The following ZKSCAN2 variants were observed in gnomAD, a reference collection of about 807,000 sequenced individuals.
ZKSCAN2 encodes the protein zinc finger protein with KRAB and SCAN domains 2.
Under a neutral mutation model 90.5 loss-of-function variants are expected in ZKSCAN2, and 38 were observed. The observed-to-expected ratio is 0.42, with a 90% CI of 0.32 to 0.55. The LOEUF is 0.55. Ranked by LOEUF, ZKSCAN2 falls within the 20% of genes least tolerant of loss-of-function variation. ZKSCAN2 has a pLI of 0.11. For missense variants in ZKSCAN2, 1,167 were observed against 1,202.6 expected, an observed-to-expected ratio of 0.97 and a Z score of 0.44; for synonymous variants, 429 against 421.6, an observed-to-expected ratio of 1.02 and a Z score of -0.22.
rs996802243 is a variant in ZKSCAN2, at chr16:25,236,898, C to T, written c.*2918G>A. ...TGCTTTTCAAAAACAGGATTTGACA[C>T]AATTTACAAGGAAATAAGATGAAAT... On this transcript the variant is annotated 3_prime_UTR_variant, in exon 7 of 7. Coordinates refer to ENST00000328086, the MANE Select transcript of ZKSCAN2 (RefSeq NM_001012981.5). 3 of 152,552 alleles carry T rather than the reference C, an allele frequency of 2.0e-5. No homozygotes were observed. The highest frequency in any genetic ancestry group is 7.2e-5 in the African/African-American group (3 of 41,430). The allele number at this position is 152,552 out of a possible 1,614,324, so 9.4% of individuals were successfully genotyped here.
In ZKSCAN2 at chr16:25,257,399, T is replaced by A. The variant is rs980434695; in HGVS notation, c.-272A>T. ...GTTTTCCAGAGTGCATCCCTCTTAG[T>A]GCAAAGTCGGAAACCGGGAGGCTGG... On this transcript the variant is annotated 5_prime_UTR_variant, in exon 1 of 7. Coordinates refer to ENST00000328086, the MANE Select transcript of ZKSCAN2 (RefSeq NM_001012981.5). The A allele has an allele frequency of 6.0e-6, 7 of 1,163,172 alleles. No individual in the cohort carries two copies. The highest frequency in any genetic ancestry group is 7.4e-6 in the Non-Finnish European group (7 of 945,184). The allele number at this position is 1,163,172 out of a possible 1,614,324, so 72.1% of individuals were successfully genotyped here.
intron 4 of ZKSCAN2, among the ~76,000 whole-genome samples, chr16:25,250,637 T>C (rs558308628): frequency 2.0e-5 from 3 of 152,238 alleles, no homozygotes; most frequent in African/African-American, 2.4e-5. Flanking sequence ...TACATAACTA[T>C]GTAAGGTGAT....
rs979537533 is a variant in ZKSCAN2, at chr16:25,240,436, G to A, written c.2284C>T (p.Arg762Cys). 1.9e-6 allele frequency: 3 copies of A among 1,614,068 alleles called. No homozygotes were observed. Among genetic ancestry groups the A allele is most frequent in the Non-Finnish European group, 1.7e-6 (2 of 1,180,016 alleles). ...KYGESFGRST[R>C]LMCRMTHHKE... ...TGGTGGGTCATCCGGCACATCAGACGAGTGCTCCTTCCAAAGCTTTCTCCA... is the reference window on the plus strand; with the variant it reads ...TGGTGGGTCATCCGGCACATCAGACAAGTGCTCCTTCCAAAGCTTTCTCCA... The change falls in exon 7 of 7, where the codon CGT becomes TGT. Residue 762 changes from arginine (R) to cysteine (C), a missense_variant. By Grantham distance (180) the Arg-to-Cys change is radical. Coordinates refer to ENST00000328086, the MANE Select transcript of ZKSCAN2 (RefSeq NM_001012981.5).
Position 25,240,188 on chromosome 16 carries a change from A to G in ZKSCAN2, c.2532T>C (p.Ser844=), listed in dbSNP as rs1237844735. The stretch of plus-strand genomic sequence containing the variant: ...GCGTTCTCTGATGTATAATAAGACT[A>G]GAGCTCTGACTAAAGCATTTTCCAC... ...GECGKCFSQS[S]SLIIHQRTHT... The change falls in exon 7 of 7, where the codon TCT becomes TCC. Residue 844 remains serine (S), a synonymous_variant. Transcript: ENST00000328086. 4 of 1,614,030 alleles carry G rather than the reference A, an allele frequency of 2.5e-6. No homozygotes were observed. Among genetic ancestry groups the G allele is most frequent in the African/African-American group, 2.7e-5 (2 of 74,910 alleles).
Position 25,240,359 on chromosome 16 carries a change from G to A in ZKSCAN2, c.2361C>T (p.Ser787=). The change falls in exon 7 of 7, where the codon AGC becomes AGT. Residue 787 remains serine, a synonymous_variant. Transcript: ENST00000328086. ...CGVCGKCFGR[S]RSLIRHQRIH... Reference sequence around the variant, plus strand: ...TTCTTTGGTGTCTGATCAGGCTCCTGCTTCTACCAAAGCACTTCCCACAGA... The same window carrying A: ...TTCTTTGGTGTCTGATCAGGCTCCTACTTCTACCAAAGCACTTCCCACAGA... The A allele has an allele frequency of 1.2e-6, 2 of 1,613,902 alleles. No individual in the cohort carries two copies. The highest frequency in any genetic ancestry group is 1.7e-6 in the Non-Finnish European group (2 of 1,180,006).
intron 4 of ZKSCAN2, among the ~76,000 whole-genome samples, chr16:25,249,991 A>T (rs905698649): frequency 1.3e-5 from 2 of 152,226 alleles, no homozygotes; most frequent in Non-Finnish European, 2.9e-5. Context: ...TAGGAAAAAA[A>T]ATATAATGGA....
intron 6 of ZKSCAN2, among the ~76,000 whole-genome samples, chr16:25,243,094 C>CT (rs914474077): frequency 6.6e-6 from 1 of 152,260 alleles, no homozygotes; most frequent in Non-Finnish European, 1.5e-5. Context: ...CTCTGCCTAT[C>CT]TTTTTTGTCT....
chr16:25,246,935 C>A lies in ZKSCAN2; in HGVS notation c.1261G>T (p.Asp421Tyr). The A allele has an allele frequency of 6.2e-7, 1 of 1,614,120 alleles. No individual in the cohort carries two copies. Among genetic ancestry groups the A allele is most frequent in the Non-Finnish European group, 8.5e-7 (1 of 1,180,030 alleles). The change falls in exon 5 of 7, where the codon GAC becomes TAC. Residue 421 changes from aspartate (D) to tyrosine (Y), a missense_variant. Physicochemically the swap from Asp to Tyr is radical, Grantham distance 160 (BLOSUM62 -3). Coordinates refer to ENST00000328086, the MANE Select transcript of ZKSCAN2 (RefSeq NM_001012981.5). ...HMLEPCAFFEDMDALLNPAAR... is the reference protein window; with the variant it reads ...HMLEPCAFFEYMDALLNPAAR... ...GCAGGGTTCAACAAAGCATCCATGT[C>A]CTCAAAGAAGGCGCAGGGTTCTAGC...
chr16:25,244,914 C>A (rs1962910813), intron 5 of ZKSCAN2, among the ~76,000 whole-genome samples: 1 of 152,162 alleles, frequency 6.6e-6, no homozygotes, highest in African/African-American at 2.4e-5. Context: ...ATTTGTAAAA[C>A]ATGCTTTTTG....
In ZKSCAN2 at chr16:25,239,931, A is replaced by G. The variant is rs776836279; in HGVS notation, c.2789T>C (p.Leu930Pro). The change falls in exon 7 of 7, where the codon CTT (leucine) becomes CCT (proline). Residue 930 changes from leucine to proline, a missense_variant. Transcript: ENST00000328086. Reference sequence around the variant, plus strand: ...CACATGAACTTCCCGATGTTTGGTAAGAACAGAACTCTTACTGAAACGTTT... The same window carrying G: ...CACATGAACTTCCCGATGTTTGGTAGGAACAGAACTCTTACTGAAACGTTT... The part of the protein sequence containing the change: ...CGKRFSKSSV[L>P]TKHREVHVRE... 1 of 1,614,088 alleles carries G rather than the reference A, an allele frequency of 6.2e-7. No homozygotes were observed. The highest frequency in any genetic ancestry group is 1.1e-5 in the South Asian group (1 of 91,086).
Position 25,252,229 on chromosome 16 carries a change from C to T in ZKSCAN2, c.679-194G>A, listed in dbSNP as rs117136796. On this transcript the variant is annotated intron_variant, in intron 3 of 6. Coordinates refer to ENST00000328086, the MANE Select transcript of ZKSCAN2 (RefSeq NM_001012981.5). ...AACAAGATGATCCAGCAAGGAGTCT[C>T]ATTACTCAGAAGACTGGGTCCCATC... Among the ~76,000 whole-genome samples, 133 of 152,274 alleles carry T rather than the reference C, an allele frequency of 8.7e-4. 3 individuals are homozygous for T. The East Asian group carries it at 0.024, about 27-fold the overall frequency.
chr16:25,257,571 G>A lies in ZKSCAN2; in HGVS notation c.-444C>T. The stretch of plus-strand genomic sequence containing the variant: ...GGGGCCGGATGTGCAGGCCCCGCCC[G>A]GCGCCAGGTTCCGGGCTCGGGTCAC... On this transcript the variant is annotated 5_prime_UTR_variant, in exon 1 of 7. Transcript: ENST00000328086. The A allele has an allele frequency of 1.1e-6, 1 of 952,068 alleles. No individual in the cohort carries two copies. The highest frequency in any genetic ancestry group is 1.3e-6 in the Non-Finnish European group (1 of 799,450). The allele number at this position is 952,068 out of a possible 1,614,324, so 59.0% of individuals were successfully genotyped here. A position where few individuals can be genotyped will look rare whatever the true frequency, so the allele number is the denominator to read the frequency against.
In ZKSCAN2 at chr16:25,257,292, C is replaced by T; in HGVS notation, c.-165G>A. On this transcript the variant is annotated 5_prime_UTR_variant, in exon 1 of 7. It introduces an in-frame stop codon into an upstream open reading frame of the 5' UTR. Transcript: ENST00000328086. ...CCAGGCTGATTAATCAAATCTATGC[C>T]AGGCCCTTGAAAAGGTGAACGTATA... 1 of 1,437,542 alleles carries T rather than the reference C, an allele frequency of 7.0e-7. No homozygotes were observed. The highest frequency in any genetic ancestry group is 9.1e-7 in the Non-Finnish European group (1 of 1,102,012). 89.0% of individuals were successfully genotyped at this position (1,437,542 alleles called of 1,614,324 possible).
chr16:25,255,490 G>A (rs1395585048), intron 1 of ZKSCAN2, 98 bp from the exon 2 acceptor site: 1 of 1,333,502 alleles, frequency 7.5e-7, no homozygotes, highest in African/African-American at 1.5e-5. Context: ...AGAGACATGA[G>A]AAGGAATGAA....
In ZKSCAN2 at chr16:25,238,670, C is replaced by T. The variant is rs1962803210; in HGVS notation, c.*1146G>A. On this transcript the variant is annotated 3_prime_UTR_variant, in exon 7 of 7. Transcript: ENST00000328086. Reference sequence around the variant, plus strand: ...GATGCGGTGAACAGGGACTAGAAGCCTCAGGAAAAGAGACTGGGAGATTTA... The same window carrying T: ...GATGCGGTGAACAGGGACTAGAAGCTTCAGGAAAAGAGACTGGGAGATTTA... 1 of 152,140 alleles carries T rather than the reference C, an allele frequency of 6.6e-6. No individual in the cohort carries two copies. Among genetic ancestry groups the T allele is most frequent in the South Asian group, 2.1e-4 (1 of 4,832 alleles). The allele number at this position is 152,140 out of a possible 1,614,324, so 9.4% of individuals were successfully genotyped here.
intron 2 of ZKSCAN2, among the ~76,000 whole-genome samples, chr16:25,254,090 A>T (rs906771096): frequency 1.3e-5 from 2 of 152,202 alleles, no homozygotes; most frequent in African/African-American, 4.8e-5. Context: ...CCACATAGAT[A>T]AAAAAATGGC....
chr16:25,240,822 G>C (rs896681559), intron 6 of ZKSCAN2, 84 bp from the exon 7 acceptor site: 1 of 1,085,040 alleles, frequency 9.2e-7, no homozygotes, highest in African/African-American at 1.6e-5. Context: ...TGATCCGCTT[G>C]CTCTCCATAC....
intron 6 of ZKSCAN2, among the ~76,000 whole-genome samples, chr16:25,241,829 G>A (rs776340578): frequency 3.9e-5 from 6 of 152,128 alleles, no homozygotes; most frequent in African/African-American, 9.7e-5. Context: ...GGGGAGAGGA[G>A]GGCAGCCATC....
chr16:25,257,274 G>A lies in ZKSCAN2; in HGVS notation c.-147C>T, dbSNP rs528417016. 2 of 1,468,852 alleles carry A rather than the reference G, an allele frequency of 1.4e-6. No homozygotes were observed. The highest frequency in any genetic ancestry group is 1.4e-5 in the African/African-American group (1 of 71,052). 91.0% of individuals were successfully genotyped at this position (1,468,852 alleles called of 1,614,324 possible). ...CGGCAGGAACAGGGTATTCCAGGCTGATTAATCAAATCTATGCCAGGCCCT... is the reference window on the plus strand; with the variant it reads ...CGGCAGGAACAGGGTATTCCAGGCTAATTAATCAAATCTATGCCAGGCCCT... On this transcript the variant is annotated 5_prime_UTR_variant, in exon 1 of 7. Transcript: ENST00000328086.
Sources: gnomAD v4.1 joint callset for allele counts (sites outside exome capture counted in the v4.1 genomes callset) on GRCh38, gnomAD v4.1.1 for gene constraint, MANE v1.5 for transcripts, NCBI Gene and HGNC (gene_info 2026-07-23, HGNC 2026-07-21) for gene names.